NALCN: variants seen among roughly 807,000 people sequenced by gnomAD.
The protein encoded by NALCN is sodium leak channel NALCN.
Under a neutral mutation model 225.3 loss-of-function variants are expected in NALCN, and 111 were observed. The observed-to-expected ratio is 0.49, with a 90% CI of 0.42 to 0.58. The LOEUF (loss-of-function observed/expected upper bound fraction) is 0.58. NALCN is among the 20% of genes least tolerant of loss of function. The pLI, the probability that NALCN is intolerant of heterozygous loss-of-function variation, is 0.00. For missense variants in NALCN, 1,378 were observed against 2,202.4 expected (o/e 0.63, Z 7.49); for synonymous variants, 764 against 769.0 (o/e 0.99, Z 0.11).
intron 13 of NALCN, among the ~76,000 whole-genome samples, chr13:101,212,273 A>AT: frequency 6.6e-6 from 1 of 152,118 alleles, no homozygotes; most frequent in East Asian, 1.9e-4. Context: ...TGGAAGCAAT[A>AT]TTTTTCTCTC....
At chr13:101,201,048 A>G (rs2040099725) in intron 13 of NALCN, among the ~76,000 whole-genome samples, 1 of 152,214 alleles carries the variant, frequency 6.6e-6, no homozygotes, top group East Asian at 1.9e-4. Flanking sequence ...GCACATAGAT[A>G]TGCTTTTGTG....
chr13:101,136,754 G>T (rs2036819613), intron 17 of NALCN, among the ~76,000 whole-genome samples: 1 of 152,162 alleles, frequency 6.6e-6, no homozygotes, highest in African/African-American at 2.4e-5. Flanking sequence ...GAACAGTGCT[G>T]CAATAAACAT....
intron 1 of NALCN, among the ~76,000 whole-genome samples, chr13:101,412,232 A>G (rs962799517): frequency 6.6e-6 from 1 of 152,234 alleles, no homozygotes; most frequent in African/African-American, 2.4e-5. Flanking sequence ...GCTGTGTTCC[A>G]TGCACTGTGA....
At chr13:101,396,406 T>C (rs1342121746) in intron 2 of NALCN, among the ~76,000 whole-genome samples, 2 of 152,126 alleles carry the variant, frequency 1.3e-5, no homozygotes, top group East Asian at 3.8e-4. Context: ...ATGATAATTC[T>C]TTAATATAAT....
At chr13:101,284,916 G>C (rs71441503) in intron 9 of NALCN, among the ~76,000 whole-genome samples, 1 of 152,006 alleles carries the variant, frequency 6.6e-6, no homozygotes, top group East Asian at 1.9e-4. Flanking sequence ...CTAGTTCTTA[G>C]GAGCGAGTGT....
At chr13:101,141,730 G>T (rs560291866) in intron 17 of NALCN, among the ~76,000 whole-genome samples, 3 of 152,036 alleles carry the variant, frequency 2.0e-5, no homozygotes, top group African/African-American at 4.8e-5. Flanking sequence ...AATTCCAAAG[G>T]GTTCATCCCT....
chr13:101,228,907 T>G (rs999854246), intron 13 of NALCN, among the ~76,000 whole-genome samples: 2 of 152,180 alleles, frequency 1.3e-5, no homozygotes, highest in African/African-American at 4.8e-5. Flanking sequence ...CTAACTTCCT[T>G]TTTAGCTTAA....
intron 22 of NALCN, among the ~76,000 whole-genome samples, 177 bp from the exon 23 acceptor site, chr13:101,105,127 GA>G (rs982029459): frequency 2.6e-5 from 4 of 152,246 alleles, no homozygotes; most frequent in African/African-American, 9.6e-5. Flanking sequence ...ATTGATGAAA[GA>G]AAAAATCCAA....
intron 9 of NALCN, among the ~76,000 whole-genome samples, chr13:101,290,333 G>A (rs186355939): frequency 6.6e-6 from 1 of 152,310 alleles, no homozygotes; most frequent in African/African-American, 2.4e-5. Context: ...CTGCATGTGA[G>A]TTAAGGGCTG....
intron 13 of NALCN, among the ~76,000 whole-genome samples, chr13:101,226,132 A>C (rs568367710): frequency 6.6e-6 from 1 of 152,172 alleles, no homozygotes; most frequent in Admixed American, 6.5e-5. Flanking sequence ...GATTAAAAAA[A>C]CACCCAAATC....
chr13:101,060,477 G>C (rs59724160), intron 41 of NALCN, among the ~76,000 whole-genome samples: 1 of 125,092 alleles, frequency 8.0e-6, no homozygotes, highest in Non-Finnish European at 1.6e-5. Flanking sequence ...TTTTTTCAGA[G>C]AGGAGGTCTC....
Position 101,374,272 on chromosome 13 carries a change from CTTTTTTTTTT to C in NALCN, c.644+2418_644+2427del, listed in dbSNP as rs869167949. On this transcript the variant is annotated intron_variant, in intron 6 of 43. Coordinates refer to ENST00000251127, the MANE Select transcript of NALCN (RefSeq NM_052867.4). Reference sequence around the variant, plus strand: ...CTGTGAACCTAAGGTAAATTTCTTTCTTTTTTTTTTTTTTTTTTTTTGAGACGGAGTCTTG... The same window carrying C: ...CTGTGAACCTAAGGTAAATTTCTTTCTTTTTTTTTTTGAGACGGAGTCTTG... Among the ~76,000 whole-genome samples the C allele has an allele frequency of 4.2e-5, 5 of 119,904 alleles. No individual in the cohort carries two copies. The East Asian group carries it at 7.1e-4, about 17-fold the overall frequency. 78.7% of individuals were successfully genotyped at this position (119,904 alleles called of 152,430 possible).
intron 27 of NALCN, among the ~76,000 whole-genome samples, chr13:101,099,494 T>C (rs75585532): frequency 1.1e-4 from 16 of 152,160 alleles, no homozygotes; most frequent in Non-Finnish European, 2.4e-4. Flanking sequence ...TTTGAAGATA[T>C]ACATTTAGGA....
At chr13:101,283,692 C>G (rs896870305) in intron 10 of NALCN, among the ~76,000 whole-genome samples, 5 of 151,526 alleles carry the variant, frequency 3.3e-5, no homozygotes, top group African/African-American at 1.2e-4. Context: ...TTCATTGATT[C>G]AATACCACTG....
intron 13 of NALCN, among the ~76,000 whole-genome samples, chr13:101,218,554 A>G (rs561553950): frequency 2.0e-5 from 3 of 152,126 alleles, no homozygotes; most frequent in South Asian, 2.1e-4. Context: ...CTCATGTTCA[A>G]TTGTAATCCC....
At chr13:101,167,802 G>A (rs551874689) in intron 15 of NALCN, among the ~76,000 whole-genome samples, 2 of 142,522 alleles carry the variant, frequency 1.4e-5, no homozygotes, top group Admixed American at 1.4e-4. Flanking sequence ...TCATGCTACT[G>A]CACTCCAGCC....
At chr13:101,357,734 C>T (rs1284607043) in intron 6 of NALCN, among the ~76,000 whole-genome samples, 1 of 152,140 alleles carries the variant, frequency 6.6e-6, no homozygotes, top group Non-Finnish European at 1.5e-5. Context: ...CCAAGACAAT[C>T]CTTAGGAAAA....
At chr13:101,414,027 A>C (rs2047861425) in intron 1 of NALCN, among the ~76,000 whole-genome samples, 1 of 149,472 alleles carries the variant, frequency 6.7e-6, no homozygotes, top group Non-Finnish European at 1.5e-5. Flanking sequence ...CTGGGGCTAC[A>C]GGTGTACACC....
intron 15 of NALCN, among the ~76,000 whole-genome samples, chr13:101,155,607 G>A (rs1415625671): frequency 2.0e-5 from 3 of 152,152 alleles, no homozygotes; most frequent in African/African-American, 7.2e-5. Flanking sequence ...ATGTCTGCCA[G>A]GTTTCTGCAT....
Sources: gnomAD v4.1 joint callset for allele counts (sites outside exome capture counted in the v4.1 genomes callset) on GRCh38, gnomAD v4.1.1 for gene constraint, MANE v1.5 for transcripts, NCBI Gene and HGNC (gene_info 2026-07-23, HGNC 2026-07-21) for gene names.